MRE11: variants seen among roughly 807,000 people sequenced by gnomAD.
The protein encoded by MRE11 is MRE11 double strand break repair nuclease, also known as double-strand break repair protein MRE11.
Under a neutral mutation model 91.7 loss-of-function variants are expected in MRE11, and 62 were observed. The ratio of observed to expected loss-of-function variants is 0.68; its 90% CI spans 0.55 to 0.84. MRE11 has a LOEUF of 0.84. MRE11 is among the 40% of genes least tolerant of loss of function. MRE11 has a pLI of 0.00. For synonymous variants in MRE11, 273 were observed against 271.4 expected, an observed-to-expected ratio of 1.01 and a Z score of -0.06; for missense variants, 796 against 852.9, an observed-to-expected ratio of 0.93 and a Z score of 0.83.
chr11:94,441,100 C>T (rs1286470672), intron 16 of MRE11, among the ~76,000 whole-genome samples: 3 of 152,194 alleles, frequency 2.0e-5, no homozygotes, highest in African/African-American at 7.2e-5. Context: ...TGCTCGCTTC[C>T]TCCCCTGCAT....
chr11:94,490,799 T>C (rs1357553499), intron 3 of MRE11, 34 bp downstream of exon 3: 2 of 1,611,262 alleles, frequency 1.2e-6, no homozygotes, highest in Non-Finnish European at 1.7e-6. Context: ...CAAGGGAATA[T>C]GGTAGATAGT....
intron 8 of MRE11, 141 bp downstream of exon 8, chr11:94,471,433 C>G (rs1222384928): frequency 1.0e-5 from 8 of 773,914 alleles, no homozygotes; most frequent in Non-Finnish European, 1.7e-5. Flanking sequence ...ACAGAATGAT[C>G]AATTTTCAAA....
chr11:94,452,814 CT>C (rs113451989), intron 14 of MRE11, among the ~76,000 whole-genome samples: 10 of 151,416 alleles, frequency 6.6e-5, no homozygotes, highest in South Asian at 6.3e-4. Flanking sequence ...CTGTTAAACA[CT>C]TTTTTTTTGT....
chr11:94,464,368 A>G, intron 10 of MRE11, 129 bp from the exon 11 acceptor site: 2 of 1,260,568 alleles, frequency 1.6e-6, no homozygotes, highest in Non-Finnish European at 2.2e-6. Context: ...AATTTTCTAC[A>G]GTAGATCATG....
chr11:94,445,175 T>C (rs111652501), intron 16 of MRE11, among the ~76,000 whole-genome samples: 8 of 152,348 alleles, frequency 5.3e-5, no homozygotes, highest in Middle Eastern at 3.4e-3. Flanking sequence ...AAGGAAACAG[T>C]AGAGACAGTT....
intron 16 of MRE11, among the ~76,000 whole-genome samples, chr11:94,437,874 C>T (rs1263331155): frequency 6.6e-6 from 1 of 152,186 alleles, no homozygotes; most frequent in Non-Finnish European, 1.5e-5. Context: ...CCTGTAATCC[C>T]AGTGCTTTGG....
At chr11:94,498,403 C>G, upstream of MRE11, 3 of 1,613,430 alleles carry the variant, frequency 1.9e-6, no homozygotes, top group Non-Finnish European at 2.5e-6. Flanking sequence ...TCCTGATGAA[C>G]CGTTACGTCA....
chr11:94,482,915 G>GT (rs2135108413), intron 4 of MRE11, among the ~76,000 whole-genome samples: 1 of 152,218 alleles, frequency 6.6e-6, no homozygotes, highest in East Asian at 1.9e-4. Context: ...TCCAGCTTGG[G>GT]TGACAGTAAG....
upstream of MRE11, chr11:94,496,686 A>G: frequency 1.9e-6 from 3 of 1,569,722 alleles, no homozygotes; most frequent in South Asian, 3.6e-5. Flanking sequence ...TTAGAATAGT[A>G]GTAAAAAATG....
chr11:94,442,151 A>T (rs1945798750), intron 16 of MRE11, among the ~76,000 whole-genome samples: 1 of 152,080 alleles, frequency 6.6e-6, no homozygotes. Flanking sequence ...ATCTGAAGGG[A>T]TAATAGCTAA....
chr11:94,452,917 C>T (rs1946149217), intron 14 of MRE11, among the ~76,000 whole-genome samples: 1 of 151,990 alleles, frequency 6.6e-6, no homozygotes, highest in Non-Finnish European at 1.5e-5. Context: ...ATGCAATCAT[C>T]CCCCCATCCA....
chr11:94,501,860 ATTTAT>A, the MRE11 span, among the ~76,000 whole-genome samples: 2 of 152,140 alleles, frequency 1.3e-5, no homozygotes, highest in Admixed American at 6.5e-5. Context: ...ATATGGTGTT[ATTTAT>A]TTTGTCAATT....
intron 14 of MRE11, among the ~76,000 whole-genome samples, chr11:94,454,043 G>A (rs570355017): frequency 6.6e-6 from 1 of 151,192 alleles, no homozygotes; most frequent in Admixed American, 6.6e-5. Context: ...TTAAAGAAAA[G>A]ATTTGAGAGT....
intron 16 of MRE11, among the ~76,000 whole-genome samples, chr11:94,440,883 T>C (rs1306495893): frequency 6.6e-6 from 1 of 152,212 alleles, no homozygotes; most frequent in Admixed American, 6.5e-5. Context: ...CATCTAACTA[T>C]GTGCTTGGAA....
At chr11:94,509,269 C>A in the MRE11 span, among the ~76,000 whole-genome samples, 4 of 151,944 alleles carry the variant, frequency 2.6e-5, no homozygotes, top group Non-Finnish European at 5.9e-5. Context: ...AAAGATTTAT[C>A]CTTAATGTAT....
chr11:94,434,272 A>G (rs1025473220), intron 18 of MRE11, among the ~76,000 whole-genome samples: 5 of 152,198 alleles, frequency 3.3e-5, no homozygotes, highest in Non-Finnish European at 7.3e-5. Context: ...TTGCTCTAAC[A>G]TTAACCTTTA....
chr11:94,462,247 A>G (rs1946439876), intron 11 of MRE11, among the ~76,000 whole-genome samples: 2 of 152,090 alleles, frequency 1.3e-5, no homozygotes, highest in African/African-American at 4.8e-5. Context: ...CTTCAAGGAG[A>G]ACTACAAACC....
At chr11:94,448,605 T>G (rs1264344477) in intron 14 of MRE11, among the ~76,000 whole-genome samples, 2 of 151,430 alleles carry the variant, frequency 1.3e-5, no homozygotes, top group Non-Finnish European at 2.9e-5. Flanking sequence ...AGTGAGACCT[T>G]GCCTAAAAAA....
intron 4 of MRE11, among the ~76,000 whole-genome samples, chr11:94,485,510 A>AAAAAAATCTC (rs71459730): frequency 0.28 from 42,564 of 151,450 alleles, 6,708 homozygotes; most frequent in Non-Finnish European, 0.35. Flanking sequence ...AAAAACAAAC[A>AAAAAAATCTC]AAAAAATCTC....
Sources: gnomAD v4.1 joint callset for allele counts (sites outside exome capture counted in the v4.1 genomes callset) on GRCh38, gnomAD v4.1.1 for gene constraint, MANE v1.5 for transcripts, NCBI Gene and HGNC (gene_info 2026-07-23, HGNC 2026-07-21) for gene names.